Variants in ARHGAP32 observed in about 807,000 individuals in gnomAD.
ARHGAP32 encodes the protein rho GTPase-activating protein 32.
A neutral mutation model predicts 186.5 loss-of-function variants in ARHGAP32; 51 were observed. The ratio of observed to expected loss-of-function variants is 0.27; its 90% confidence interval spans 0.22 to 0.35. The LOEUF (loss-of-function observed/expected upper bound fraction) is 0.35. ARHGAP32 is among the 10% of genes least tolerant of loss of function. ARHGAP32 has a pLI of 1.00. For synonymous variants in ARHGAP32, 950 were observed against 964.3 expected, an observed-to-expected ratio of 0.99 and a Z score of 0.27; for missense variants, 2,186 against 2,623.5, an observed-to-expected ratio of 0.83 and a Z score of 3.64.
At chr11:129,051,606 C>T (rs1310950126) in intron 10 of ARHGAP32, among the ~76,000 whole-genome samples, 1 of 152,168 alleles carries the variant, frequency 6.6e-6, no homozygotes, top group Non-Finnish European at 1.5e-5. Context: ...TCCAAAGCCA[C>T]AAAAGTTTTC....
chr11:129,222,235 G>C (rs989413333), intron 1 of ARHGAP32, among the ~76,000 whole-genome samples: 1 of 152,064 alleles, frequency 6.6e-6, no homozygotes, highest in Admixed American at 6.5e-5. Flanking sequence ...AACCCTCAAA[G>C]AGACCAAGTG....
intron 1 of ARHGAP32, among the ~76,000 whole-genome samples, chr11:129,245,559 C>A (rs1480489796): frequency 6.7e-6 from 1 of 149,806 alleles, no homozygotes; most frequent in African/African-American, 2.5e-5. Flanking sequence ...TGTAACTAAC[C>A]TGCACAATGT....
At chr11:129,116,753 G>A (rs1176536248) in intron 5 of ARHGAP32, among the ~76,000 whole-genome samples, 1 of 151,970 alleles carries the variant, frequency 6.6e-6, no homozygotes, top group African/African-American at 2.4e-5. Flanking sequence ...GGTGAAGTCA[G>A]TATCCACTGC....
chr11:129,143,412 G>A (rs1860605305), intron 2 of ARHGAP32, among the ~76,000 whole-genome samples: 1 of 152,144 alleles, frequency 6.6e-6, no homozygotes, highest in South Asian at 2.1e-4. Flanking sequence ...TAAACTGCAT[G>A]CAGTTCTGAG....
intron 13 of ARHGAP32, among the ~76,000 whole-genome samples, chr11:128,986,948 A>T (rs1440100862): frequency 6.6e-6 from 1 of 152,216 alleles, no homozygotes; most frequent in African/African-American, 2.4e-5. Flanking sequence ...CAGCTCTTAT[A>T]GTACAACAGT....
intron 12 of ARHGAP32, among the ~76,000 whole-genome samples, chr11:128,991,898 T>C (rs564328861): frequency 1.1e-4 from 16 of 152,240 alleles, no homozygotes; most frequent in Non-Finnish European, 1.5e-4. Flanking sequence ...TTTGGTTTCG[T>C]TTCTGCTCTT....
At chr11:129,042,960 A>G (rs80031498) in intron 10 of ARHGAP32, among the ~76,000 whole-genome samples, 1,749 of 152,342 alleles carry the variant, frequency 0.011, 33 homozygotes, top group African/African-American at 0.04. Context: ...CATGACGGAT[A>G]GAATGTTAAA....
At chr11:129,222,608 C>T (rs150402753) in intron 1 of ARHGAP32, among the ~76,000 whole-genome samples, 1 of 152,270 alleles carries the variant, frequency 6.6e-6, no homozygotes, top group African/African-American at 2.4e-5. Flanking sequence ...TAGTTACCCT[C>T]GTTTCCAAGA....
At chr11:129,195,514 C>T (rs769038417), upstream of ARHGAP32, among the ~76,000 whole-genome samples, 29 of 152,024 alleles carry the variant, frequency 1.9e-4, 1 homozygote, top group Non-Finnish European at 4.1e-4. Flanking sequence ...CCTCAGCTTC[C>T]CGAGTAGCTG....
At chr11:129,078,488 G>C (rs1941116091) in intron 6 of ARHGAP32, among the ~76,000 whole-genome samples, 1 of 152,050 alleles carries the variant, frequency 6.6e-6, no homozygotes, top group Non-Finnish European at 1.5e-5. Flanking sequence ...AATTCAGAAG[G>C]CTAATTATTT....
chr11:129,045,399 GC>G (rs1939767600), intron 10 of ARHGAP32, among the ~76,000 whole-genome samples: 1 of 152,124 alleles, frequency 6.6e-6, no homozygotes, highest in Non-Finnish European at 1.5e-5. Flanking sequence ...GTTTCTTGAA[GC>G]CAAAATCACT....
chr11:129,115,138 C>T (rs574749489), intron 5 of ARHGAP32, among the ~76,000 whole-genome samples: 32 of 152,154 alleles, frequency 2.1e-4, no homozygotes, highest in African/African-American at 7.5e-4. Flanking sequence ...GTGTAGCAGA[C>T]GTGGAGACAC....
At chr11:129,034,614 A>G (rs1450502274) in intron 11 of ARHGAP32, among the ~76,000 whole-genome samples, 1 of 152,100 alleles carries the variant, frequency 6.6e-6, no homozygotes, top group Non-Finnish European at 1.5e-5. Flanking sequence ...GAAAAGAAAA[A>G]TACGAGAATT....
At chr11:129,018,446 T>C (rs1032609600) in intron 11 of ARHGAP32, among the ~76,000 whole-genome samples, 3 of 152,322 alleles carry the variant, frequency 2.0e-5, no homozygotes, top group African/African-American at 7.2e-5. Flanking sequence ...AGTAAGTAGT[T>C]GAAGTGAACT....
rs116849766 is a variant in ARHGAP32, at chr11:129,065,736, G to C, written c.670-803C>G. On this transcript the variant is annotated intron_variant, in intron 7 of 22. Transcript: ENST00000682385. ...TTATTTAGATCTGGTAGGGGGAGTG[G>C]CTTACACCAATTTTTAATTATTTCC... Among the ~76,000 whole-genome samples, 1,319 of 152,056 alleles carry C rather than the reference G, an allele frequency of 8.7e-3. 12 individuals carry two copies. Among genetic ancestry groups the C allele is most frequent in the Non-Finnish European group, 0.013 (883 of 67,942 alleles).
intron 1 of ARHGAP32, among the ~76,000 whole-genome samples, chr11:129,236,620 G>A (rs1311869953): frequency 6.6e-6 from 1 of 152,158 alleles, no homozygotes; most frequent in Non-Finnish European, 1.5e-5. Flanking sequence ...AAACTCTGCT[G>A]AATTCATTTA....
In ARHGAP32 at chr11:128,987,952, T is replaced by C. The variant is rs569407921; in HGVS notation, c.1298+71A>G. On this transcript the variant is annotated intron_variant, in intron 13 of 22. Coordinates refer to ENST00000682385, the MANE Select transcript of ARHGAP32 (RefSeq NM_001378024.1). Reference sequence around the variant, plus strand: ...AATGAAAATAGGTTATCAAAGTAAGTGAATCTGTTTTAAAATATTTGCATT... The same window carrying C: ...AATGAAAATAGGTTATCAAAGTAAGCGAATCTGTTTTAAAATATTTGCATT... 4.0e-6 allele frequency: 4 copies of C among 991,428 alleles called. No homozygotes were observed. The African/African-American group carries it at 6.5e-5, about 16-fold the overall frequency. 61.4% of individuals were successfully genotyped at this position (991,428 alleles called of 1,614,324 possible).
chr11:129,035,960 TAAC>T lies in ARHGAP32; in HGVS notation c.1045+4965_1045+4967del, dbSNP rs1449021116. Among the ~76,000 whole-genome samples, 15 of 152,292 alleles carry T rather than the reference TAAC, an allele frequency of 9.8e-5. No homozygotes were observed. In the East Asian group the frequency reaches 2.9e-3, roughly 29 times the overall value. On this transcript the variant is annotated intron_variant, in intron 11 of 22. Coordinates refer to ENST00000682385, the MANE Select transcript of ARHGAP32 (RefSeq NM_001378024.1). ...TTCTTGGTCATTCTTAATTTAGAAA[TAAC>T]AATGCTATGCAGGTCTACAAATACA...
intron 10 of ARHGAP32, among the ~76,000 whole-genome samples, chr11:129,050,423 C>G (rs1939995404): frequency 6.6e-6 from 1 of 152,024 alleles, no homozygotes; most frequent in African/African-American, 2.4e-5. Flanking sequence ...CCAGGCTGGC[C>G]TCAAATTCAT....
Sources: allele counts gnomAD v4.1 joint callset (sites outside exome capture counted in the v4.1 genomes callset), GRCh38; gene constraint gnomAD v4.1.1; transcripts MANE v1.5; gene names NCBI Gene and HGNC (gene_info 2026-07-23, HGNC 2026-07-21).